CDH4: variants seen among roughly 807,000 people sequenced by gnomAD.
The protein encoded by CDH4 is cadherin 4, also known as cadherin-4.
In CDH4, 33 loss-of-function variants were observed where a neutral mutation model predicts 86.0. That is an observed-to-expected ratio of 0.38 (90% CI 0.29 to 0.51). The LOEUF (loss-of-function observed/expected upper bound fraction) is 0.51, where lower values mean the gene tolerates loss of function less well. CDH4 is among the 20% of genes least tolerant of loss of function. CDH4 has a pLI of 0.86. For missense variants in CDH4, 1,114 were observed against 1,307.4 expected (o/e 0.85, Z 2.28); for synonymous variants, 555 against 549.4 (o/e 1.01, Z -0.14).
chr20:61,370,773 G>C (rs941317877), intron 2 of CDH4: 1 of 152,232 alleles, frequency 6.6e-6, no homozygotes, highest in Non-Finnish European at 1.5e-5. Flanking sequence ...TTTTTAATGA[G>C]AGTACACAAA....
intron 2 of CDH4, among the ~76,000 whole-genome samples, chr20:61,652,938 A>ATTTATTTTTTTTTTAT (rs1555819716): frequency 2.1e-5 from 2 of 97,402 alleles, no homozygotes; most frequent in African/African-American, 6.8e-5. Context: ...TTATTTATTT[A>ATTTATTTTTTTTTTAT]TTTTTTTTTT....
rs910488921 is a variant in CDH4, at chr20:61,683,254, T to A, written c.170-60309T>A. ...CGATAAGTCTTGAGATCCATATGTT[T>A]CTTATAAAATTCTGATCTTTGGAAG... On this transcript the variant is annotated intron_variant, in intron 2 of 15. Coordinates refer to ENST00000614565, the MANE Select transcript of CDH4 (RefSeq NM_001794.5). Among the ~76,000 whole-genome samples the A allele has an allele frequency of 2.0e-5, 3 of 152,182 alleles. No individual in the cohort carries two copies. In the East Asian group the frequency reaches 5.8e-4, roughly 29 times the overall value.
At chr20:61,327,086 A>G (rs1184214637) in intron 2 of CDH4, among the ~76,000 whole-genome samples, 1 of 152,186 alleles carries the variant, frequency 6.6e-6, no homozygotes, top group Non-Finnish European at 1.5e-5. Flanking sequence ...GGGAAGAGGT[A>G]GCCCTGGGAT....
chr20:61,563,013 G>A (rs753067305), intron 2 of CDH4, among the ~76,000 whole-genome samples: 8 of 152,236 alleles, frequency 5.3e-5, no homozygotes, highest in East Asian at 1.9e-4. Context: ...TGTGCTCACA[G>A]TCTTGTCCAG....
intron 7 of CDH4, among the ~76,000 whole-genome samples, chr20:61,890,760 A>G (rs1381231652): frequency 6.6e-6 from 1 of 152,128 alleles, no homozygotes; most frequent in Non-Finnish European, 1.5e-5. Flanking sequence ...CCTTGACTCC[A>G]AGTTCTATTC....
intron 3 of CDH4, among the ~76,000 whole-genome samples, chr20:61,760,695 C>T (rs961455402): frequency 6.6e-6 from 1 of 152,268 alleles, no homozygotes; most frequent in Non-Finnish European, 1.5e-5. Context: ...GAAGAAATAA[C>T]TGCCCGACTG....
At chr20:61,856,804 G>A (rs1983034251) in intron 6 of CDH4, among the ~76,000 whole-genome samples, 1 of 152,194 alleles carries the variant, frequency 6.6e-6, no homozygotes, top group African/African-American at 2.4e-5. Flanking sequence ...GAGATGTCTT[G>A]TTAGTGAGCA....
rs2085701814 is a variant in CDH4, at chr20:61,501,618, C to T, written c.170-241945C>T. ...CGCTGACTCCAGTTGCCTAACAGAG[C>T]TGTGGTGAGACTCAAAGGCCACACA... On this transcript the variant is annotated intron_variant, in intron 2 of 15. Coordinates refer to ENST00000614565, the MANE Select transcript of CDH4 (RefSeq NM_001794.5). The surrounding 1 kb of genome is among the most constrained non-coding windows in gnomAD (Gnocchi z 4.2). Among the ~76,000 whole-genome samples, 1 of 152,124 alleles carries T rather than the reference C, an allele frequency of 6.6e-6. No homozygotes were observed. Among genetic ancestry groups the T allele is most frequent in the South Asian group, 2.1e-4 (1 of 4,824 alleles).
chr20:61,920,019 T>C (rs2054953335), intron 9 of CDH4, among the ~76,000 whole-genome samples: 1 of 105,832 alleles, frequency 9.4e-6, no homozygotes, highest in Non-Finnish European at 1.9e-5. Flanking sequence ...AGTGATTGCG[T>C]GGAAGCGTGT....
In CDH4 at chr20:61,399,625, A is replaced by G. The variant is rs541756856; in HGVS notation, c.169+144688A>G. ...TCATGAGGTCCTATCCGGTTGGTCT[A>G]TGGTGTGTGCCGGGCCTCGCTGCAG... On this transcript the variant is annotated intron_variant, in intron 2 of 15. Transcript: ENST00000614565. Among the ~76,000 whole-genome samples, 21 of 152,196 alleles carry G rather than the reference A, an allele frequency of 1.4e-4. No individual in the cohort carries two copies. The South Asian group carries it at 4.1e-3, about 30-fold the overall frequency.
At chr20:61,850,735 CGT>C (rs1360491392) in intron 5 of CDH4, among the ~76,000 whole-genome samples, 1 of 152,240 alleles carries the variant, frequency 6.6e-6, no homozygotes, top group African/African-American at 2.4e-5. Flanking sequence ...CCCATGTTTG[CGT>C]GTTTCCTCCA....
rs1033829500 is a variant in CDH4, at chr20:61,501,132, C to G, written c.170-242431C>G. ...AGACCAGAAACATGTTTCTGTAGAG[C>G]CCAAAACAGGCCACATCCGCTCCTG... On this transcript the variant is annotated intron_variant, in intron 2 of 15. Coordinates refer to ENST00000614565, the MANE Select transcript of CDH4 (RefSeq NM_001794.5). The surrounding 1 kb of genome is among the most constrained non-coding windows in gnomAD (Gnocchi z 4.2). Among the ~76,000 whole-genome samples the G allele has an allele frequency of 3.9e-5, 6 of 152,188 alleles. No homozygotes were observed. Among genetic ancestry groups the G allele is most frequent in the Admixed American group, 6.5e-5 (1 of 15,284 alleles).
intron 9 of CDH4, among the ~76,000 whole-genome samples, chr20:61,918,753 G>A (rs1237372853): frequency 1.3e-5 from 2 of 152,186 alleles, no homozygotes; most frequent in Non-Finnish European, 2.9e-5. Context: ...GGGACCGTGG[G>A]GACCCAGGAC....
chr20:61,440,690 G>C (rs773461387), intron 2 of CDH4, among the ~76,000 whole-genome samples: 1 of 152,166 alleles, frequency 6.6e-6, no homozygotes, highest in Non-Finnish European at 1.5e-5. Flanking sequence ...ATGTGAATCC[G>C]GGGAACCAGG....
At chr20:61,833,131 C>T (rs1316800053) in intron 4 of CDH4, among the ~76,000 whole-genome samples, 1 of 151,918 alleles carries the variant, frequency 6.6e-6, no homozygotes, top group African/African-American at 2.4e-5. Context: ...ACTCAGCCCG[C>T]ATGATCCAGC....
intron 8 of CDH4, among the ~76,000 whole-genome samples, chr20:61,904,551 C>T (rs1166623924): frequency 6.6e-6 from 1 of 152,208 alleles, no homozygotes; most frequent in African/African-American, 2.4e-5. Flanking sequence ...GAAATCCACC[C>T]CTTAGCCCTG....
chr20:61,616,906 G>A (rs1294741367), intron 2 of CDH4, among the ~76,000 whole-genome samples: 2 of 152,152 alleles, frequency 1.3e-5, no homozygotes, highest in Non-Finnish European at 2.9e-5. Flanking sequence ...CCTGGGTCCT[G>A]GGGCAGTGGG....
chr20:61,827,900 G>C (rs1981397824), intron 4 of CDH4, among the ~76,000 whole-genome samples: 1 of 152,204 alleles, frequency 6.6e-6, no homozygotes, highest in Non-Finnish European at 1.5e-5. Context: ...AATAGATCTA[G>C]TAGGTTAGAT....
rs1353157622 is a variant in CDH4, at chr20:61,703,333, C to T, written c.170-40230C>T. 1.3e-5 allele frequency among the ~76,000 whole-genome samples: 2 copies of T among 152,142 alleles called. No homozygotes were observed. Among genetic ancestry groups the T allele is most frequent in the Non-Finnish European group, 2.9e-5 (2 of 68,030 alleles). ...TTAAGGAGACGGGCAGTACACACCA[C>T]GAGTGTCATGGAGAAAATAGGCCTG... is the stretch of plus-strand genomic sequence containing the variant. On this transcript the variant is annotated intron_variant, in intron 2 of 15. Coordinates refer to ENST00000614565, the MANE Select transcript of CDH4 (RefSeq NM_001794.5). The surrounding 1 kb of genome is among the most constrained non-coding windows in gnomAD (Gnocchi z 4.3).
Sources: gnomAD v4.1 joint callset for allele counts (sites outside exome capture counted in the v4.1 genomes callset) on GRCh38, gnomAD v4.1.1 for gene constraint, Gnocchi (gnomAD v3.1) non-coding constraint, MANE v1.5 for transcripts, NCBI Gene and HGNC (gene_info 2026-07-23, HGNC 2026-07-21) for gene names.